The following ACSM2A variants were observed in gnomAD, a reference collection of about 807,000 sequenced individuals.
ACSM2A encodes acyl-coenzyme A synthetase ACSM2A, mitochondrial.
Under a neutral mutation model 76.6 loss-of-function variants are expected in ACSM2A, and 72 were observed. The ratio of observed to expected loss-of-function variants is 0.94; its 90% CI spans 0.78 to 1.14. ACSM2A has a LOEUF of 1.14. Among genes scored for constraint, ACSM2A ranks in the 50% most tolerant of loss-of-function variants. The pLI is 0.00. For missense variants in ACSM2A, 684 were observed against 708.5 expected, an observed-to-expected ratio of 0.97 and a Z score of 0.39; for synonymous variants, 249 against 255.9, an observed-to-expected ratio of 0.97 and a Z score of 0.26.
At chr16:20,456,829 A>T (rs1192006345) in intron 1 of ACSM2A, among the ~76,000 whole-genome samples, 2 of 151,182 alleles carry the variant, frequency 1.3e-5, no homozygotes, top group Admixed American at 6.6e-5. Flanking sequence ...AAATTGAGAT[A>T]AAAAAATACA....
intron 1 of ACSM2A, among the ~76,000 whole-genome samples, chr16:20,458,919 TATATATATATATAC>T (rs1567356972): frequency 8.5e-5 from 6 of 70,274 alleles, no homozygotes; most frequent in African/African-American, 2.1e-4. Context: ...TATATATATA[TATATATATATATAC>T]ATATATATAT....
Position 20,483,087 on chromosome 16 carries a change from G to T in ACSM2A, c.1539G>T (p.Ser513=). 15 of 1,613,830 alleles carry T rather than the reference G, an allele frequency of 9.3e-6. No homozygotes were observed. The highest frequency in any genetic ancestry group is 1.3e-5 in the Non-Finnish European group (15 of 1,179,858). The change falls in exon 13 of 14, where the codon TCG becomes TCT. Residue 513 remains serine, a synonymous_variant. Transcript: ENST00000573854. ...TGAAGGCATTTGTGGTCCTGGCCTCGCAGTTCCTGTCCCATGACCCAGAAC... is the reference window on the plus strand; with the variant it reads ...TGAAGGCATTTGTGGTCCTGGCCTCTCAGTTCCTGTCCCATGACCCAGAAC... The part of the protein sequence containing the change: ...EVVKAFVVLA[S]QFLSHDPEQL...
In ACSM2A at chr16:20,486,475, C is replaced by T. The variant is rs1413527881; in HGVS notation, c.1630-99C>T. The T allele has an allele frequency of 4.5e-5, 61 of 1,368,232 alleles. 1 individual carries two copies. In the South Asian group the frequency reaches 7.0e-4, roughly 16 times the overall value. The allele number at this position is 1,368,232 out of a possible 1,614,324, so 84.8% of individuals were successfully genotyped here. On this transcript the variant is annotated intron_variant, in intron 13 of 13. Transcript: ENST00000573854. ...ACAGGGCAGCTGCCCTGAAGTGGCT[C>T]CAGCCTGAAGAACTTCCCCTCACCC... is the stretch of plus-strand genomic sequence containing the variant.
In ACSM2A at chr16:20,471,367, CT is replaced by C. The variant is rs68051234; in HGVS notation, c.740+155del. The C allele has an allele frequency of 1.1e-3, 1,633 of 1,493,214 alleles. 9 individuals are homozygous for C. In the African/African-American group the frequency reaches 0.021, roughly 19 times the overall value. 92.5% of individuals were successfully genotyped at this position (1,493,214 alleles called of 1,614,324 possible). A position where few individuals can be genotyped will look rare whatever the true frequency, so the allele number is the denominator to read the frequency against. On this transcript the variant is annotated intron_variant, in intron 5 of 13. Coordinates refer to ENST00000573854, the MANE Select transcript of ACSM2A (RefSeq NM_001308172.2). The stretch of plus-strand genomic sequence containing the variant: ...GATACAGGATGTGTGGATAGAACAA[CT>C]TTTCTTCCCCCTTCCTACTTATACA...
At chr16:20,467,401 C>A (rs747377382) in intron 3 of ACSM2A, among the ~76,000 whole-genome samples, 1 of 151,704 alleles carries the variant, frequency 6.6e-6, no homozygotes, top group Non-Finnish European at 1.5e-5. Flanking sequence ...GTGACATGAT[C>A]CTCCTCTGTT....
chr16:20,485,113 G>A (rs1202877189), intron 13 of ACSM2A, among the ~76,000 whole-genome samples: 2 of 152,116 alleles, frequency 1.3e-5, no homozygotes, highest in Non-Finnish European at 2.9e-5. Flanking sequence ...ATTTAAGAAG[G>A]CATCAGACAC....
chr16:20,479,450 G>C (rs1397477436), intron 10 of ACSM2A, among the ~76,000 whole-genome samples: 1 of 152,100 alleles, frequency 6.6e-6, no homozygotes, highest in Admixed American at 6.5e-5. Flanking sequence ...GACTCAGTTT[G>C]CTCGAGTTCA....
chr16:20,467,887 C>T lies in ACSM2A; in HGVS notation c.389-1625C>T, dbSNP rs558250358. 3.3e-5 allele frequency among the ~76,000 whole-genome samples: 5 copies of T among 152,142 alleles called. No homozygotes were observed. The South Asian group carries it at 8.3e-4, about 25-fold the overall frequency. On this transcript the variant is annotated intron_variant, in intron 3 of 13. Transcript: ENST00000573854. Reference sequence around the variant, plus strand: ...TATCAAAAAGAACCCCAAGAAACTCCAGCAACCTCCTTCACAAACTGCCCT... The same window carrying T: ...TATCAAAAAGAACCCCAAGAAACTCTAGCAACCTCCTTCACAAACTGCCCT...
At chr16:20,460,878 G>C (rs528777383) in intron 2 of ACSM2A, among the ~76,000 whole-genome samples, 66 of 124,750 alleles carry the variant, frequency 5.3e-4, no homozygotes, top group Admixed American at 9.3e-4. Context: ...CAAAGACTGA[G>C]TCTTCCCAGA....
intron 1 of ACSM2A, among the ~76,000 whole-genome samples, chr16:20,457,510 G>A (rs756792389): frequency 1.5e-4 from 23 of 151,978 alleles, no homozygotes; most frequent in Admixed American, 9.2e-4. Context: ...ATGGTTTAAC[G>A]TACACAGGTC....
intron 1 of ACSM2A, among the ~76,000 whole-genome samples, chr16:20,456,842 A>C (rs1202933374): frequency 6.6e-6 from 1 of 151,400 alleles, no homozygotes; most frequent in Non-Finnish European, 1.5e-5. Context: ...AAAATACAAA[A>C]GATAAATGAA....
At chr16:20,457,336 C>T (rs1196779095) in intron 1 of ACSM2A, among the ~76,000 whole-genome samples, 1 of 151,994 alleles carries the variant, frequency 6.6e-6, no homozygotes, top group Non-Finnish European at 1.5e-5. Flanking sequence ...TACCCTCATA[C>T]CCAAACCAGA....
chr16:20,486,221 A>T (rs1897426520), intron 13 of ACSM2A, among the ~76,000 whole-genome samples: 1 of 152,240 alleles, frequency 6.6e-6, no homozygotes, highest in African/African-American at 2.4e-5. Context: ...CAGTGGGAAA[A>T]CTGAGTCTTA....
intron 13 of ACSM2A, 105 bp from the exon 14 acceptor site, chr16:20,486,469 G>T: frequency 1.6e-6 from 2 of 1,278,418 alleles, no homozygotes; most frequent in Non-Finnish European, 2.2e-6. Flanking sequence ...CTGCCCTGAA[G>T]TGGCTCCAGC....
rs1176226435 is a variant in ACSM2A, at chr16:20,471,555, T to C, written c.760T>C (p.Ser254Pro). The C allele has an allele frequency of 6.2e-7, 1 of 1,613,360 alleles. No individual in the cohort carries two copies. The highest frequency in any genetic ancestry group is 8.5e-7 in the Non-Finnish European group (1 of 1,179,750). Residue 254 changes from serine (S) to proline (P), a missense_variant, in exon 6 of 14, where the codon TCT (serine) becomes CCT (proline). By Grantham distance (74) the Ser-to-Pro change is moderately conservative. Around this residue, in one of 3 missense-constraint regions of ACSM2A, gnomAD observed 519 missense variants for 549.5 expected, o/e 0.94. Transcript: ENST00000573854. ...TTTCAGTTGGACAGGCCTGCAAGCC[T>C]CTGATATAATGTGGACCATATCAGA... ...MDAGWTGLQA[S>P]DIMWTISDTG...
intron 2 of ACSM2A, among the ~76,000 whole-genome samples, chr16:20,464,997 T>C (rs1718720852): frequency 1.3e-5 from 2 of 151,522 alleles, no homozygotes; most frequent in South Asian, 4.2e-4. Context: ...CATATATAAA[T>C]AAATCTAAAG....
intron 13 of ACSM2A, among the ~76,000 whole-genome samples, chr16:20,483,568 T>TAAAAAA (rs1365960981): frequency 1.9e-4 from 1 of 5,144 alleles, no homozygotes; most frequent in African/African-American, 2.9e-4. Context: ...AGACTCTGTC[T>TAAAAAA]CAAAAAAAAA....
At chr16:20,455,846 G>C (rs1478623253) in intron 1 of ACSM2A, among the ~76,000 whole-genome samples, 2 of 151,516 alleles carry the variant, frequency 1.3e-5, no homozygotes, top group Non-Finnish European at 2.9e-5. Context: ...CCATTTAAAA[G>C]ATACAGAATT....
In ACSM2A at chr16:20,460,236, C is replaced by A. The variant is rs755771543; in HGVS notation, c.122C>A (p.Pro41Gln). The part of the protein sequence containing the change: ...VSLQWGHQEV[P>Q]AKFNFASDVL... ...CTGCAGTGGGGCCACCAGGAAGTGC[C>A]GGCCAAGTTTAACTTTGCTAGTGAT... Residue 41 changes from proline to glutamine, a missense_variant, in exon 2 of 14, where the codon CCG (proline) becomes CAG (glutamine). Pro to Gln is a moderately conservative substitution (Grantham distance 76, BLOSUM62 -1). Transcript: ENST00000573854. The A allele has an allele frequency of 1.8e-5, 29 of 1,613,416 alleles. No homozygotes were observed. In the Admixed American group the frequency reaches 4.5e-4, roughly 25 times the overall value.
Sources: gnomAD v4.1 joint callset for allele counts (sites outside exome capture counted in the v4.1 genomes callset) on GRCh38, gnomAD v4.1.1 for gene constraint, gnomAD v4.1.1 regional missense constraint, MANE v1.5 for transcripts, NCBI Gene and HGNC (gene_info 2026-07-23, HGNC 2026-07-21) for gene names.